The following SHC4 variants were observed in gnomAD, a reference collection of about 807,000 sequenced individuals.
The protein encoded by SHC4 is SHC adaptor protein 4, also known as SHC-transforming protein 4.
In SHC4, 41 loss-of-function variants were observed where a neutral mutation model predicts 69.4. The ratio of observed to expected loss-of-function variants is 0.59; its 90% CI spans 0.46 to 0.77. SHC4 has a LOEUF of 0.77. Among genes scored for constraint, SHC4 ranks in the 30% least tolerant of loss-of-function variants. SHC4 has a pLI of 0.00. For missense variants in SHC4, 777 were observed against 783.8 expected, an observed-to-expected ratio of 0.99 and a Z score of 0.10; for synonymous variants, 318 against 299.3, an observed-to-expected ratio of 1.06 and a Z score of -0.64.
chr15:48,938,590 G>A (rs1161177635), intron 1 of SHC4, among the ~76,000 whole-genome samples: 2 of 152,204 alleles, frequency 1.3e-5, no homozygotes, highest in Non-Finnish European at 2.9e-5. Context: ...TTCGGCCAAT[G>A]ATATCACTGT....
intron 1 of SHC4, among the ~76,000 whole-genome samples, chr15:48,925,485 G>T (rs894472519): frequency 6.6e-6 from 1 of 152,184 alleles, no homozygotes; most frequent in Admixed American, 6.5e-5. Context: ...TCTTCTAAGT[G>T]GATAGAACAA....
chr15:48,839,009 T>C (rs529818399), intron 10 of SHC4, among the ~76,000 whole-genome samples: 1 of 151,786 alleles, frequency 6.6e-6, no homozygotes, highest in East Asian at 1.9e-4. Flanking sequence ...AAAAATAAAA[T>C]GGAAATCAGT....
rs199837915 is a variant in SHC4 at position 48,962,857 on chromosome 15, C to G, written c.159G>C (p.Lys53Asn). The G allele has an allele frequency of 3.1e-6, 5 of 1,613,070 alleles. No homozygotes were observed. Among genetic ancestry groups the G allele is most frequent in the Non-Finnish European group, 4.2e-6 (5 of 1,180,032 alleles). Residue 53 changes from lysine to asparagine, a missense_variant, in exon 1 of 12, where the codon AAG (lysine) becomes AAC (asparagine). Coordinates refer to ENST00000332408, the MANE Select transcript of SHC4 (RefSeq NM_203349.4). Reference protein sequence around the residue: ...EGSSGGSVGNKGSPQPPHPAL... With the variant: ...EGSSGGSVGNNGSPQPPHPAL... ...CGGGGTGGGGAGGCTGCGGCGAGCC[C>G]TTGTTCCCGACCGAGCCTCCGGAGC...
At chr15:48,842,288 G>A (rs980809659) in intron 10 of SHC4, among the ~76,000 whole-genome samples, 1 of 152,090 alleles carries the variant, frequency 6.6e-6, no homozygotes, top group Non-Finnish European at 1.5e-5. Flanking sequence ...CTTATTAAGG[G>A]GTTTTGAAAT....
chr15:48,903,647 A>T (rs1448347296), intron 2 of SHC4, among the ~76,000 whole-genome samples: 1 of 152,198 alleles, frequency 6.6e-6, no homozygotes, highest in Non-Finnish European at 1.5e-5. Flanking sequence ...TGCAGGCCTC[A>T]AAGTGCAGTC....
intron 4 of SHC4, chr15:48,877,877 A>T: frequency 3.7e-6 from 1 of 273,476 alleles, no homozygotes; most frequent in Non-Finnish European, 6.9e-6. Flanking sequence ...TCCGGTTTGC[A>T]GCATTACAAG....
At position 48,883,129 on chromosome 15, in the gene SHC4, A is replaced by G. The variant is rs1458066915; in HGVS notation, c.840+1119T>C. ...TTACTGATAATTTTATAATCTTATA[A>G]TATGCACTTCCTATTAAGTACTGAG... On this transcript the variant is annotated intron_variant, in intron 4 of 11. Coordinates refer to ENST00000332408, the MANE Select transcript of SHC4 (RefSeq NM_203349.4). Among the ~76,000 whole-genome samples, 6 of 152,338 alleles carry G rather than the reference A, an allele frequency of 3.9e-5. No homozygotes were observed. The East Asian group carries it at 9.6e-4, about 24-fold the overall frequency.
chr15:48,836,023 C>CAAAA (rs57343981), intron 10 of SHC4, among the ~76,000 whole-genome samples: 8 of 60,092 alleles, frequency 1.3e-4, no homozygotes, highest in Admixed American at 2.2e-4. Context: ...ACAAAAAATC[C>CAAAA]AAAAAAAAAA....
chr15:48,963,339 A>T lies in SHC4; in HGVS notation c.-324T>A. 3.5e-6 allele frequency: 1 copy of T among 285,278 alleles called. No homozygotes were observed. Among genetic ancestry groups the T allele is most frequent in the Non-Finnish European group, 6.5e-6 (1 of 153,148 alleles). 17.7% of individuals were successfully genotyped at this position (285,278 alleles called of 1,614,324 possible). A position where few individuals can be genotyped will look rare whatever the true frequency, so the allele number is the denominator to read the frequency against. On this transcript the variant is annotated 5_prime_UTR_variant, in exon 1 of 12. Transcript: ENST00000332408. The stretch of plus-strand genomic sequence containing the variant: ...CTCACGGCCAACTCTTAGGCGCAGA[A>T]CCCGGGCGAGCGCCGGTCGGGGGGC...
At chr15:48,883,310 T>C (rs1275369387) in intron 4 of SHC4, among the ~76,000 whole-genome samples, 2 of 152,156 alleles carry the variant, frequency 1.3e-5, no homozygotes, top group East Asian at 3.8e-4. Flanking sequence ...TATAAATAAG[T>C]ACCATAATCC....
chr15:48,888,882 CAA>C (rs36036782), intron 3 of SHC4, among the ~76,000 whole-genome samples: 1,941 of 89,068 alleles, frequency 0.022, 25 homozygotes, highest in East Asian at 0.076. Context: ...GTGAAACTGT[CAA>C]AAAAAAAAAA....
chr15:48,836,567 T>A, intron 10 of SHC4, among the ~76,000 whole-genome samples: 1 of 152,200 alleles, frequency 6.6e-6, no homozygotes, highest in East Asian at 1.9e-4. Context: ...TGTTTTTTTT[T>A]AAACACAAAG....
intron 9 of SHC4, among the ~76,000 whole-genome samples, chr15:48,850,614 T>C (rs1458693248): frequency 6.6e-6 from 1 of 152,220 alleles, no homozygotes; most frequent in East Asian, 1.9e-4. Flanking sequence ...CAATATAACA[T>C]GTTTTAATTA....
chr15:48,854,475 C>T (rs962197921), intron 8 of SHC4, among the ~76,000 whole-genome samples: 1 of 152,030 alleles, frequency 6.6e-6, no homozygotes, highest in Non-Finnish European at 1.5e-5. Flanking sequence ...GGGTATACAC[C>T]CAAAGGAAAA....
intron 8 of SHC4, among the ~76,000 whole-genome samples, chr15:48,853,453 C>A (rs1474152448): frequency 6.6e-6 from 1 of 152,174 alleles, no homozygotes; most frequent in Non-Finnish European, 1.5e-5. Flanking sequence ...ACACCAACAT[C>A]ATTTTCCCCA....
chr15:48,899,796 CTG>C (rs1900289374), intron 2 of SHC4, among the ~76,000 whole-genome samples: 1 of 152,102 alleles, frequency 6.6e-6, no homozygotes, highest in Admixed American at 6.5e-5. Context: ...GGTGATCAAA[CTG>C]TAAAGTTCTT....
intron 2 of SHC4, among the ~76,000 whole-genome samples, chr15:48,913,862 G>A (rs1040461505): frequency 1.3e-5 from 2 of 152,186 alleles, no homozygotes; most frequent in Non-Finnish European, 2.9e-5. Flanking sequence ...CCCGCAAACA[G>A]ATCTTCAGCT....
At chr15:48,826,768 A>G (rs1898697619) in intron 11 of SHC4, among the ~76,000 whole-genome samples, 2 of 152,180 alleles carry the variant, frequency 1.3e-5, no homozygotes. Context: ...GAGTGCTTCC[A>G]TATCACCTTG....
intron 9 of SHC4, among the ~76,000 whole-genome samples, chr15:48,846,276 T>A (rs1324698013): frequency 6.6e-6 from 1 of 152,176 alleles, no homozygotes; most frequent in African/African-American, 2.4e-5. Flanking sequence ...AGTTTTCATA[T>A]CTGTAAAATG....
Sources: allele counts gnomAD v4.1 joint callset (sites outside exome capture counted in the v4.1 genomes callset), GRCh38; gene constraint gnomAD v4.1.1; transcripts MANE v1.5; gene names NCBI Gene and HGNC (gene_info 2026-07-23, HGNC 2026-07-21).